The following PCLO variants were observed in gnomAD, a reference collection of about 807,000 sequenced individuals.
PCLO encodes protein piccolo.
Under a neutral mutation model 427.5 loss-of-function variants are expected in PCLO, and 82 were observed. That is an observed-to-expected ratio of 0.19 (90% CI 0.16 to 0.23). The LOEUF (loss-of-function observed/expected upper bound fraction) is 0.23, where lower values mean the gene tolerates loss of function less well. Among genes scored for constraint, PCLO ranks in the 10% least tolerant of loss-of-function variants. The pLI is 1.00. For missense variants in PCLO, 6,239 were observed against 6,115.9 expected (o/e 1.02, Z -0.67); for synonymous variants, 2,357 against 2,155.4 (o/e 1.09, Z -2.59).
chr7:83,127,346 G>GT (rs11458130), intron 3 of PCLO, among the ~76,000 whole-genome samples: 74,618 of 151,746 alleles, frequency 0.49, 19,259 homozygotes, highest in East Asian at 0.69. Flanking sequence ...TCCCAATAAA[G>GT]TTTTAAAAAT....
Position 82,908,913 on chromosome 7 carries a change from C to T in PCLO, c.13401G>A (p.Leu4467=). ...HGLDRKLPER[L]VHSRPLSQHQ... ...GTTGACTGAGTGGTCTAGAGTGGAC[C>T]AATCTTTCCGGCAGTTTTCGGTCCA... The change falls in exon 8 of 25, where the codon TTG becomes TTA. Residue 4467 remains leucine (L), a synonymous_variant. Transcript: ENST00000333891. 1 of 1,612,850 alleles carries T rather than the reference C, an allele frequency of 6.2e-7. No individual in the cohort carries two copies. The highest frequency in any genetic ancestry group is 8.5e-7 in the Non-Finnish European group (1 of 1,179,176).
At chr7:82,852,194 G>C (rs976685122) in intron 10 of PCLO, among the ~76,000 whole-genome samples, 3 of 152,088 alleles carry the variant, frequency 2.0e-5, no homozygotes, top group Non-Finnish European at 4.4e-5. Context: ...ATATTTTCCT[G>C]AGTATATTTA....
At chr7:82,792,271 T>C (rs1791117066) in intron 22 of PCLO, among the ~76,000 whole-genome samples, 1 of 152,060 alleles carries the variant, frequency 6.6e-6, no homozygotes, top group Non-Finnish European at 1.5e-5. Context: ...TATTATGCAG[T>C]TTGATTCCTA....
At chr7:82,760,865 T>A (rs1196033040) in intron 23 of PCLO, 81 bp from the exon 24 acceptor site, 1 of 663,770 alleles carries the variant, frequency 1.5e-6, no homozygotes, top group African/African-American at 1.9e-5. Context: ...ATACTGAGAG[T>A]TCTTGTTACA....
intron 22 of PCLO, among the ~76,000 whole-genome samples, chr7:82,775,117 GTTTA>G (rs1035122714): frequency 2.6e-5 from 4 of 152,030 alleles, no homozygotes; most frequent in Non-Finnish European, 4.4e-5. Flanking sequence ...ATAAACCACA[GTTTA>G]TTTATCCATT....
At chr7:83,093,163 A>G (rs554221391) in intron 3 of PCLO, among the ~76,000 whole-genome samples, 4 of 151,938 alleles carry the variant, frequency 2.6e-5, no homozygotes, top group Admixed American at 1.3e-4. Context: ...GAAAAATATT[A>G]TTTCACATTT....
chr7:82,909,428 T>A (rs947132622), intron 7 of PCLO, among the ~76,000 whole-genome samples: 3 of 151,454 alleles, frequency 2.0e-5, no homozygotes, highest in African/African-American at 7.3e-5. Context: ...CCACTAGAAA[T>A]TTTTTTTTAA....
chr7:82,830,229 T>C (rs141864829), intron 16 of PCLO, among the ~76,000 whole-genome samples: 1 of 151,932 alleles, frequency 6.6e-6, no homozygotes, highest in Non-Finnish European at 1.5e-5. Flanking sequence ...CACAGGTATT[T>C]GTTAGGGTAT....
chr7:83,161,943 A>AG (rs1310542738), intron 1 of PCLO, among the ~76,000 whole-genome samples: 32 of 152,214 alleles, frequency 2.1e-4, no homozygotes, highest in Admixed American at 2.6e-4. Context: ...AAAGACCCGC[A>AG]ATGGCCAAGA....
intron 7 of PCLO, among the ~76,000 whole-genome samples, chr7:82,910,054 T>G (rs1245928901): frequency 6.6e-6 from 1 of 152,144 alleles, no homozygotes; most frequent in Admixed American, 6.6e-5. Context: ...TGTTTTAGTC[T>G]TTGTAAAAGA....
intron 22 of PCLO, among the ~76,000 whole-genome samples, chr7:82,762,438 C>T (rs887333775): frequency 4.6e-5 from 7 of 151,936 alleles, no homozygotes; most frequent in Non-Finnish European, 8.8e-5. Context: ...GTTTAGATCT[C>T]TAGGAATCCA....
At chr7:83,128,391 C>G (rs888800792) in intron 3 of PCLO, among the ~76,000 whole-genome samples, 3 of 152,070 alleles carry the variant, frequency 2.0e-5, no homozygotes, top group African/African-American at 4.8e-5. Flanking sequence ...TTTTTGAAAT[C>G]AAATTTGTAT....
At chr7:83,096,174 C>G (rs1044842445) in intron 3 of PCLO, among the ~76,000 whole-genome samples, 1 of 152,010 alleles carries the variant, frequency 6.6e-6, no homozygotes, top group Non-Finnish European at 1.5e-5. Context: ...GTTTTTCTAA[C>G]GTGTTCTTCA....
chr7:83,115,603 A>C (rs1436499922), intron 3 of PCLO, among the ~76,000 whole-genome samples: 3 of 151,998 alleles, frequency 2.0e-5, no homozygotes, highest in Non-Finnish European at 4.4e-5. Flanking sequence ...TTTCATACCT[A>C]ACTCCATAAA....
intron 20 of PCLO, chr7:82,821,134 A>G: frequency 2.0e-6 from 2 of 1,024,292 alleles, no homozygotes; most frequent in Non-Finnish European, 2.3e-6. Flanking sequence ...TGACTGGTCC[A>G]TCAGACATCA....
intron 10 of PCLO, 137 bp downstream of exon 10, chr7:82,879,200 T>C: frequency 3.4e-6 from 2 of 581,268 alleles, no homozygotes; most frequent in Admixed American, 3.9e-5. Flanking sequence ...CATATTACTA[T>C]ACCAAAATTT....
At chr7:82,923,629 A>G (rs1313565971) in intron 6 of PCLO, among the ~76,000 whole-genome samples, 4 of 152,094 alleles carry the variant, frequency 2.6e-5, no homozygotes, top group Non-Finnish European at 5.9e-5. Flanking sequence ...AGCTCAATTT[A>G]ATTTTCTTTA....
At chr7:83,036,025 C>G (rs1006855615) in intron 3 of PCLO, among the ~76,000 whole-genome samples, 14 of 152,096 alleles carry the variant, frequency 9.2e-5, no homozygotes, top group African/African-American at 3.4e-4. Flanking sequence ...CTTTATGTTT[C>G]CAAGCCCATG....
intron 3 of PCLO, among the ~76,000 whole-genome samples, chr7:83,104,362 T>C (rs1790804415): frequency 1.3e-5 from 2 of 152,038 alleles, no homozygotes; most frequent in Admixed American, 1.3e-4. Flanking sequence ...AGATCTTTTC[T>C]CAGCCATTTA....
Sources: gnomAD v4.1 joint callset for allele counts (sites outside exome capture counted in the v4.1 genomes callset) on GRCh38, gnomAD v4.1.1 for gene constraint, MANE v1.5 for transcripts, NCBI Gene and HGNC (gene_info 2026-07-23, HGNC 2026-07-21) for gene names.